Variants in CSMD1 observed in about 807,000 individuals in gnomAD.
CSMD1 encodes CUB and sushi domain-containing protein 1.
In CSMD1, 213 loss-of-function variants were observed where a neutral mutation model predicts 417.5. The observed-to-expected ratio is 0.51, with a 90% CI of 0.46 to 0.57. CSMD1 has a LOEUF of 0.57. Among genes scored for constraint, CSMD1 ranks in the 20% least tolerant of loss-of-function variants. CSMD1 has a pLI of 0.00. For synonymous variants in CSMD1, 2,862 were observed against 1,736.8 expected (o/e 1.65, Z -16.11); for missense variants, 6,923 against 4,529.7 (o/e 1.53, Z -15.17).
At chr8:4,481,332 G>A (rs946266822) in intron 2 of CSMD1, among the ~76,000 whole-genome samples, 2 of 152,164 alleles carry the variant, frequency 1.3e-5, no homozygotes, top group African/African-American at 2.4e-5. Context: ...ATGCATTAAA[G>A]TCTATAGCTT....
chr8:4,421,809 A>G (rs1045769790), intron 2 of CSMD1, among the ~76,000 whole-genome samples: 1 of 151,964 alleles, frequency 6.6e-6, no homozygotes, highest in East Asian at 1.9e-4. Flanking sequence ...GCAAACAGAA[A>G]GCAAAAAACA....
intron 7 of CSMD1, among the ~76,000 whole-genome samples, chr8:3,653,874 T>A (rs575555612): frequency 6.6e-6 from 1 of 152,318 alleles, no homozygotes; most frequent in African/African-American, 2.4e-5. Flanking sequence ...GAAATGACTG[T>A]CTTAATCCTG....
intron 5 of CSMD1, among the ~76,000 whole-genome samples, chr8:3,890,987 A>G (rs1194579114): frequency 4.6e-5 from 7 of 151,948 alleles, no homozygotes; most frequent in African/African-American, 9.7e-5. Flanking sequence ...TGTTATGGAC[A>G]TTTTATAGCT....
At chr8:4,028,089 A>G (rs751022329) in intron 4 of CSMD1, among the ~76,000 whole-genome samples, 1 of 152,184 alleles carries the variant, frequency 6.6e-6, no homozygotes, top group Non-Finnish European at 1.5e-5. Flanking sequence ...AAAAGTAATT[A>G]ATAAGAAAAA....
At chr8:4,134,067 T>A (rs530291173) in intron 3 of CSMD1, among the ~76,000 whole-genome samples, 1 of 152,218 alleles carries the variant, frequency 6.6e-6, no homozygotes, top group Non-Finnish European at 1.5e-5. Context: ...AAAGATTAAT[T>A]GCTATTATTA....
chr8:4,840,991 C>T lies in CSMD1; in HGVS notation c.85+153341G>A, dbSNP rs1260933744. ...GGGCTAGTCCGATAAGGAGCATGTC[C>T]TCTTAACTGAGCGTTTGCCGTCAGC... On this transcript the variant is annotated intron_variant, in intron 1 of 69. Coordinates refer to ENST00000635120, the MANE Select transcript of CSMD1 (RefSeq NM_033225.6). Among the ~76,000 whole-genome samples the T allele has an allele frequency of 5.9e-5, 9 of 152,256 alleles. No individual in the cohort carries two copies. The East Asian group carries it at 1.7e-3, about 29-fold the overall frequency.
intron 1 of CSMD1, among the ~76,000 whole-genome samples, chr8:4,718,000 C>T (rs964328610): frequency 1.3e-5 from 2 of 152,140 alleles, no homozygotes; most frequent in Non-Finnish European, 2.9e-5. Context: ...TGTTTTGAGA[C>T]TGGGTCTTGC....
intron 3 of CSMD1, among the ~76,000 whole-genome samples, chr8:4,198,385 G>C (rs371205357): frequency 6.6e-6 from 1 of 152,194 alleles, no homozygotes; most frequent in African/African-American, 2.4e-5. Context: ...ACACTGTGAT[G>C]GACAGAGACT....
Position 3,359,357 on chromosome 8 carries a change from C to CAGAGTAAATGCATGAGGATT in CSMD1, c.3116-37_3116-18dup. 6.3e-7 allele frequency: 1 copy of CAGAGTAAATGCATGAGGATT among 1,592,030 alleles called. No homozygotes were observed. The highest frequency in any genetic ancestry group is 8.6e-7 in the Non-Finnish European group (1 of 1,167,578). ...GGTCATATTCTGAGGCATGCAGAGA[C>CAGAGTAAATGCATGAGGATT]AGAGTAAATGCATGAGGATTTGGGT... On this transcript the variant is annotated splice_polypyrimidine_tract_variant and intron_variant, in intron 20 of 69. Coordinates refer to ENST00000635120, the MANE Select transcript of CSMD1 (RefSeq NM_033225.6).
chr8:4,950,253 T>C (rs116602756), intron 1 of CSMD1, among the ~76,000 whole-genome samples: 3,991 of 152,270 alleles, frequency 0.026, 51 homozygotes, highest in Middle Eastern at 0.082. Flanking sequence ...TAGTCATTTA[T>C]GCCACACACA....
chr8:3,751,660 A>G (rs1233089112), intron 6 of CSMD1, among the ~76,000 whole-genome samples: 1 of 151,892 alleles, frequency 6.6e-6, no homozygotes, highest in Non-Finnish European at 1.5e-5. Flanking sequence ...TTTAAAATCA[A>G]CGTCTGATAC....
chr8:3,859,662 C>A (rs1204267323), intron 5 of CSMD1, among the ~76,000 whole-genome samples: 1 of 152,106 alleles, frequency 6.6e-6, no homozygotes, highest in East Asian at 1.9e-4. Flanking sequence ...GTGAGTTCAA[C>A]CATATGGGCA....
chr8:4,119,611 A>C (rs1802365206), intron 3 of CSMD1, among the ~76,000 whole-genome samples: 1 of 151,824 alleles, frequency 6.6e-6, no homozygotes. Context: ...GGAGACCAGG[A>C]CTTCTGCTCT....
At chr8:4,143,070 G>A (rs1485044456) in intron 3 of CSMD1, among the ~76,000 whole-genome samples, 2 of 150,708 alleles carry the variant, frequency 1.3e-5, no homozygotes, top group Non-Finnish European at 2.9e-5. Flanking sequence ...ACACAATGAA[G>A]CAAGTTTAGT....
intron 23 of CSMD1, among the ~76,000 whole-genome samples, chr8:3,313,410 A>C (rs540479235): frequency 1.4e-4 from 22 of 152,364 alleles, no homozygotes; most frequent in Middle Eastern, 3.4e-3. Flanking sequence ...AATGAACTCA[A>C]ATTTACAAGA....
At chr8:3,913,430 G>C (rs139042330) in intron 5 of CSMD1, among the ~76,000 whole-genome samples, 1 of 152,122 alleles carries the variant, frequency 6.6e-6, no homozygotes, top group Non-Finnish European at 1.5e-5. Flanking sequence ...TGTCCCAGAA[G>C]CAACCAGCGA....
chr8:4,681,974 G>A (rs2130980061), intron 1 of CSMD1, among the ~76,000 whole-genome samples: 1 of 152,266 alleles, frequency 6.6e-6, no homozygotes, highest in South Asian at 2.1e-4. Context: ...TCTGTGGAAA[G>A]CGTTATTAAT....
intron 7 of CSMD1, among the ~76,000 whole-genome samples, chr8:3,669,003 T>C (rs1017744407): frequency 4.6e-5 from 7 of 152,112 alleles, no homozygotes; most frequent in Non-Finnish European, 7.3e-5. Context: ...TCACTGGAAA[T>C]CTTTCATTAA....
At chr8:3,759,986 G>A (rs528494579) in intron 5 of CSMD1, among the ~76,000 whole-genome samples, 42 of 151,610 alleles carry the variant, frequency 2.8e-4, no homozygotes, top group Non-Finnish European at 4.3e-4. Context: ...AATTCAGAGC[G>A]CACTGACCAT....
Sources: gnomAD v4.1 joint callset for allele counts (sites outside exome capture counted in the v4.1 genomes callset) on GRCh38, gnomAD v4.1.1 for gene constraint, MANE v1.5 for transcripts, NCBI Gene and HGNC (gene_info 2026-07-23, HGNC 2026-07-21) for gene names.